The following ARB2A variants were observed in gnomAD, a reference collection of about 807,000 sequenced individuals.
The protein encoded by ARB2A is ARB2 cotranscriptional regulator A.
At chr5:93,911,991 A>G in the ARB2A span, among the ~76,000 whole-genome samples, 1 of 151,780 alleles carries the variant, frequency 6.6e-6, no homozygotes, top group East Asian at 1.9e-4. Flanking sequence ...TAATTATATG[A>G]ACACTTCAGC....
chr5:93,832,757 A>T, the ARB2A span, among the ~76,000 whole-genome samples: 3 of 152,018 alleles, frequency 2.0e-5, no homozygotes, highest in Admixed American at 2.0e-4. Flanking sequence ...GTCCAATTCT[A>T]CTTTTTTTTA....
chr5:93,724,813 T>A, the ARB2A span, among the ~76,000 whole-genome samples: 1 of 152,008 alleles, frequency 6.6e-6, no homozygotes, highest in African/African-American at 2.4e-5. Flanking sequence ...CAACAGTAAG[T>A]AATAATAAGA....
the ARB2A span, among the ~76,000 whole-genome samples, chr5:93,795,228 TG>T: frequency 6.6e-6 from 1 of 151,956 alleles, no homozygotes; most frequent in Non-Finnish European, 1.5e-5. Context: ...GCCAGGAAAG[TG>T]GGGGAAAGCT....
At chr5:93,628,390 G>A in the ARB2A span, among the ~76,000 whole-genome samples, 12 of 152,058 alleles carry the variant, frequency 7.9e-5, no homozygotes, top group African/African-American at 2.2e-4. Context: ...TTTTAAAGTG[G>A]TAAATGAGTA....
chr5:93,654,253 T>C, the ARB2A span, among the ~76,000 whole-genome samples: 1 of 152,200 alleles, frequency 6.6e-6, no homozygotes, highest in Non-Finnish European at 1.5e-5. Flanking sequence ...ATGGTGACCA[T>C]AAGCAAGGGC....
At chr5:93,841,966 A>G in the ARB2A span, among the ~76,000 whole-genome samples, 1 of 152,216 alleles carries the variant, frequency 6.6e-6, no homozygotes, top group African/African-American at 2.4e-5. Flanking sequence ...TAAGAGGGAC[A>G]CTGAACCTAG....
the ARB2A span, chr5:93,621,031 C>A: frequency 6.1e-5 from 98 of 1,611,404 alleles, 1 homozygote; most frequent in Middle Eastern, 1.5e-3. Context: ...CGCGTCACAG[C>A]CGGCTTCAGG....
At chr5:93,662,632 G>A in the ARB2A span, among the ~76,000 whole-genome samples, 1 of 152,170 alleles carries the variant, frequency 6.6e-6, no homozygotes, top group African/African-American at 2.4e-5. Context: ...AGAATTATAT[G>A]TTTTTCTCAC....
At chr5:93,996,468 T>A in the ARB2A span, among the ~76,000 whole-genome samples, 1 of 152,168 alleles carries the variant, frequency 6.6e-6, no homozygotes, top group Non-Finnish European at 1.5e-5. Flanking sequence ...GTTAAACTGA[T>A]TTGTGAGATT....
the ARB2A span, among the ~76,000 whole-genome samples, chr5:94,068,862 C>CAAAAAAAAAAA: frequency 4.8e-4 from 30 of 62,290 alleles, no homozygotes; most frequent in African/African-American, 5.4e-4. Context: ...ACTAAAAATA[C>CAAAAAAAAAAA]AAAAAAAAAA....
At chr5:93,952,329 A>T in the ARB2A span, among the ~76,000 whole-genome samples, 1 of 152,206 alleles carries the variant, frequency 6.6e-6, no homozygotes, top group South Asian at 2.1e-4. Flanking sequence ...TTCCTTTAGC[A>T]TTTCTTGTAG....
the ARB2A span, chr5:93,865,693 A>T: frequency 2.0e-6 from 2 of 985,410 alleles, no homozygotes; most frequent in East Asian, 2.3e-4. Context: ...TCTTCTTAAT[A>T]ATATGACATC....
chr5:94,084,875 T>C, the ARB2A span, among the ~76,000 whole-genome samples: 1 of 152,196 alleles, frequency 6.6e-6, no homozygotes, highest in Non-Finnish European at 1.5e-5. Context: ...CAATTTCAAA[T>C]GGTTTAAGGG....
At chr5:94,039,943 T>G in the ARB2A span, among the ~76,000 whole-genome samples, 133,756 of 152,060 alleles carry the variant, frequency 0.88, 59,883 homozygotes, top group East Asian at 1. Context: ...GGTAAGTGGT[T>G]GGGTACCCGA....
chr5:94,014,573 G>A, the ARB2A span, among the ~76,000 whole-genome samples: 1 of 152,066 alleles, frequency 6.6e-6, no homozygotes, highest in African/African-American at 2.4e-5. Context: ...ACCCTAATGA[G>A]ATAGTAATGT....
chr5:93,827,887 G>A, the ARB2A span, among the ~76,000 whole-genome samples: 1 of 152,062 alleles, frequency 6.6e-6, no homozygotes, highest in Non-Finnish European at 1.5e-5. Context: ...TCTCAGGTTT[G>A]TCAAAGATCA....
chr5:93,723,625 A>T, the ARB2A span, among the ~76,000 whole-genome samples: 7 of 152,250 alleles, frequency 4.6e-5, no homozygotes, highest in African/African-American at 1.7e-4. Flanking sequence ...TTATTTTTTA[A>T]TATTTATTTT....
At chr5:93,827,536 T>C in the ARB2A span, among the ~76,000 whole-genome samples, 22 of 152,210 alleles carry the variant, frequency 1.4e-4, no homozygotes, top group Admixed American at 2.0e-4. Context: ...TTTTCCTCCA[T>C]TCTGTAGGTT....
the ARB2A span, among the ~76,000 whole-genome samples, chr5:93,717,721 T>C: frequency 6.6e-6 from 1 of 152,120 alleles, no homozygotes; most frequent in Non-Finnish European, 1.5e-5. Context: ...TCTATTAATA[T>C]GTCATTTATA....
Sources: allele counts gnomAD v4.1 joint callset (sites outside exome capture counted in the v4.1 genomes callset), GRCh38; gene constraint gnomAD v4.1.1; transcripts MANE v1.5; gene names NCBI Gene and HGNC (gene_info 2026-07-23, HGNC 2026-07-21).